LGR5: variants seen among roughly 807,000 people sequenced by gnomAD.
LGR5 encodes the protein leucine-rich repeat-containing G protein-coupled receptor 5.
LGR5 carries 54 observed loss-of-function variants against 76.7 expected under a neutral mutation model. That is an observed-to-expected ratio of 0.70 (90% CI 0.57 to 0.88). The LOEUF (loss-of-function observed/expected upper bound fraction) is 0.88. LGR5 is among the 40% of genes least tolerant of loss of function. LGR5 has a pLI of 0.00. For synonymous variants in LGR5, 406 were observed against 421.9 expected, an observed-to-expected ratio of 0.96 and a Z score of 0.46; for missense variants, 1,078 against 1,073.3, an observed-to-expected ratio of 1.00 and a Z score of -0.06.
intron 6 of LGR5, among the ~76,000 whole-genome samples, chr12:71,558,527 C>T (rs1420403868): frequency 6.6e-6 from 1 of 152,154 alleles, no homozygotes; most frequent in East Asian, 1.9e-4. Context: ...CAAAACAGAG[C>T]ATCTGGAGAG....
intron 1 of LGR5, among the ~76,000 whole-genome samples, chr12:71,445,057 T>A (rs978080000): frequency 2.0e-5 from 3 of 152,164 alleles, no homozygotes; most frequent in African/African-American, 7.2e-5. Context: ...TGAAAAACAG[T>A]AGTGGGTTGT....
At chr12:71,576,286 A>G (rs1332026203) in intron 13 of LGR5, among the ~76,000 whole-genome samples, 1 of 152,182 alleles carries the variant, frequency 6.6e-6, no homozygotes, top group Non-Finnish European at 1.5e-5. Flanking sequence ...ATGAAAAGAC[A>G]CTTACATAGG....
intron 1 of LGR5, among the ~76,000 whole-genome samples, chr12:71,444,062 A>T (rs1464203436): frequency 1.3e-5 from 2 of 152,144 alleles, no homozygotes; most frequent in Non-Finnish European, 2.9e-5. Flanking sequence ...CCTTAATATC[A>T]TAAATGTGTT....
chr12:71,540,696 A>G (rs971880462), intron 4 of LGR5, among the ~76,000 whole-genome samples: 1 of 152,182 alleles, frequency 6.6e-6, no homozygotes, highest in Non-Finnish European at 1.5e-5. Flanking sequence ...AGGAGGTAAG[A>G]CAAGCCTAGA....
intron 12 of LGR5, among the ~76,000 whole-genome samples, chr12:71,571,898 C>A (rs1292828104): frequency 2.0e-5 from 3 of 152,122 alleles, no homozygotes; most frequent in African/African-American, 7.2e-5. Context: ...ACCAAACTTA[C>A]ATATCCAATG....
chr12:71,564,718 TATATACATATATGTACACAC>T, intron 8 of LGR5, among the ~76,000 whole-genome samples: 1 of 12,976 alleles, frequency 7.7e-5, no homozygotes, highest in East Asian at 0.016. Flanking sequence ...TATATATACA[TATATACATATATGTACACAC>T]ACTGTATATA....
intron 15 of LGR5, among the ~76,000 whole-genome samples, chr12:71,579,899 T>C (rs553853930): frequency 6.6e-6 from 1 of 152,354 alleles, no homozygotes; most frequent in African/African-American, 2.4e-5. Flanking sequence ...CATTTTTTAT[T>C]GTTAGACTCA....
At chr12:71,509,915 T>G (rs961187361) in intron 2 of LGR5, among the ~76,000 whole-genome samples, 7 of 152,298 alleles carry the variant, frequency 4.6e-5, no homozygotes, top group Admixed American at 2.0e-4. Context: ...ATATAAATAG[T>G]AGATATCTAT....
At position 71,584,362 on chromosome 12, in the gene LGR5, C is replaced by T. The variant is rs1318912251; in HGVS notation, c.2352C>T (p.Phe784=). 1 of 1,614,210 alleles carries T rather than the reference C, an allele frequency of 6.2e-7. No homozygotes were observed. The highest frequency in any genetic ancestry group is 1.1e-5 in the South Asian group (1 of 91,080). Residue 784 remains phenylalanine, a synonymous_variant, in exon 18 of 18, where the codon TTC becomes TTT. Coordinates refer to ENST00000266674, the MANE Select transcript of LGR5 (RefSeq NM_003667.4). The part of the protein sequence containing the change: ...TNCILNCPVA[F]LSFSSLINLT... The stretch of plus-strand genomic sequence containing the variant: ...GCATCCTAAACTGCCCTGTGGCTTT[C>T]TTGTCCTTCTCCTCTTTAATAAACC...
At chr12:71,536,711 C>T (rs183918902) in intron 4 of LGR5, among the ~76,000 whole-genome samples, 30 of 152,292 alleles carry the variant, frequency 2.0e-4, no homozygotes, top group African/African-American at 6.7e-4. Flanking sequence ...CCACTATCAG[C>T]TGAAAGAAGA....
intron 1 of LGR5, among the ~76,000 whole-genome samples, chr12:71,479,106 G>A (rs1592474774): frequency 6.6e-6 from 1 of 151,942 alleles, no homozygotes. Flanking sequence ...TACATTCAAC[G>A]GGAAATTAAC....
At chr12:71,439,579 A>T (rs1871645850), upstream of LGR5, among the ~76,000 whole-genome samples, 3 of 151,590 alleles carry the variant, frequency 2.0e-5, no homozygotes, top group South Asian at 6.2e-4. Context: ...TGAATCTTCC[A>T]GGCGGAGGCT....
chr12:71,536,195 A>C (rs746527393), intron 4 of LGR5, among the ~76,000 whole-genome samples: 8 of 152,244 alleles, frequency 5.3e-5, no homozygotes, highest in African/African-American at 1.9e-4. Flanking sequence ...ATATTGATAA[A>C]TATTGTGGAC....
intron 4 of LGR5, 45 bp downstream of exon 4, chr12:71,535,231 G>A (rs201703425): frequency 1.2e-4 from 153 of 1,290,858 alleles, no homozygotes; most frequent in Non-Finnish European, 1.7e-5. Context: ...ATCAATTTGG[G>A]AAGAAGCATT....
chr12:71,541,158 A>G (rs1876858257), intron 4 of LGR5, among the ~76,000 whole-genome samples: 1 of 152,214 alleles, frequency 6.6e-6, no homozygotes, highest in Non-Finnish European at 1.5e-5. Context: ...CTCTTCTCCA[A>G]TTTGAACATT....
rs1875965009 is a variant in LGR5, at chr12:71,525,696, A to G, written c.356+1219A>G. Among the ~76,000 whole-genome samples, 3 of 151,846 alleles carry G rather than the reference A, an allele frequency of 2.0e-5. No homozygotes were observed. In the East Asian group the frequency reaches 5.8e-4, roughly 29 times the overall value. On this transcript the variant is annotated intron_variant, in intron 3 of 17. Coordinates refer to ENST00000266674, the MANE Select transcript of LGR5 (RefSeq NM_003667.4). ...TCAAGTATTTTAATTCACTTAACAA[A>G]GTGTATATTGGATATATAAGCCAGT...
intron 12 of LGR5, among the ~76,000 whole-genome samples, 160 bp from the exon 13 acceptor site, chr12:71,572,690 A>G (rs919597641): frequency 2.0e-5 from 3 of 152,216 alleles, no homozygotes; most frequent in Non-Finnish European, 4.4e-5. Flanking sequence ...TGTAAATGGT[A>G]ATGTTCTTTT....
intron 3 of LGR5, among the ~76,000 whole-genome samples, chr12:71,533,620 T>A (rs1419635928): frequency 3.3e-5 from 5 of 152,210 alleles, no homozygotes; most frequent in Non-Finnish European, 5.9e-5. Context: ...CTCATTAAAT[T>A]GTCAAACCCA....
At chr12:71,569,603 A>G (rs1274116588) in intron 11 of LGR5, among the ~76,000 whole-genome samples, 1 of 152,258 alleles carries the variant, frequency 6.6e-6, no homozygotes, top group Non-Finnish European at 1.5e-5. Flanking sequence ...CAAAACCACA[A>G]TGAGATACCA....
Sources: gnomAD v4.1 joint callset for allele counts (sites outside exome capture counted in the v4.1 genomes callset) on GRCh38, gnomAD v4.1.1 for gene constraint, MANE v1.5 for transcripts, NCBI Gene and HGNC (gene_info 2026-07-23, HGNC 2026-07-21) for gene names.